WASHC2A: variants seen among roughly 807,000 people sequenced by gnomAD.
WASHC2A encodes the protein WASH complex subunit 2A.
WASHC2A carries 82 observed loss-of-function variants against 140.3 expected under a neutral mutation model. That is an observed-to-expected ratio of 0.58 (90% CI 0.49 to 0.70). The LOEUF (loss-of-function observed/expected upper bound fraction) is 0.70, where lower values mean the gene tolerates loss of function less well. Among genes scored for constraint, WASHC2A ranks in the 30% least tolerant of loss-of-function variants. The pLI is 0.00. For synonymous variants in WASHC2A, 340 were observed against 560.8 expected (o/e 0.61, Z 5.56); for missense variants, 985 against 1,521.8 (o/e 0.65, Z 5.87).
chr10:50,099,162 T>C (rs1554885650), intron 16 of WASHC2A, among the ~76,000 whole-genome samples: 1 of 152,222 alleles, frequency 6.6e-6, no homozygotes, highest in African/African-American at 2.4e-5. Context: ...GGCATTCTTC[T>C]GAATGAAGTT....
chr10:50,115,395 G>A (rs1411370506), intron 21 of WASHC2A, among the ~76,000 whole-genome samples: 5 of 82,606 alleles, frequency 6.1e-5, no homozygotes, highest in East Asian at 5.7e-4. Flanking sequence ...CTGAGAATGC[G>A]TCCCAGAGTG....
Position 50,093,341 on chromosome 10 carries a change from C to A in WASHC2A, c.1077C>A (p.Gly359=), listed in dbSNP as rs1840117075. 7 of 1,481,876 alleles carry A rather than the reference C, an allele frequency of 4.7e-6. No individual in the cohort carries two copies. In the South Asian group the frequency reaches 8.0e-5, roughly 17 times the overall value. 91.8% of individuals were successfully genotyped at this position (1,481,876 alleles called of 1,614,324 possible). A position where few individuals can be genotyped will look rare whatever the true frequency, so the allele number is the denominator to read the frequency against. ...TCTCGCCATTTGGCTCTGGAGGTGG[C>A]CTGTTCAGTGGGGGCAAGGGGCTCT... The part of the protein sequence containing the change: ...EDFSPFGSGG[G]LFSGGKGLFD... Residue 359 remains glycine, a synonymous_variant, in exon 12 of 31, where the codon GGC becomes GGA. Coordinates refer to ENST00000282633, the MANE Select transcript of WASHC2A (RefSeq NM_001005751.3).
chr10:50,072,702 A>G (rs1489095896), intron 3 of WASHC2A, among the ~76,000 whole-genome samples: 2 of 151,836 alleles, frequency 1.3e-5, no homozygotes, highest in Non-Finnish European at 2.9e-5. Context: ...GTTAGCCAGG[A>G]TGGTCTCGAT....
intron 8 of WASHC2A, among the ~76,000 whole-genome samples, chr10:50,090,130 A>C (rs1463371422): frequency 2.0e-5 from 3 of 151,922 alleles, no homozygotes; most frequent in Non-Finnish European, 4.4e-5. Flanking sequence ...TAAATAAATA[A>C]AAATATTTCT....
intron 18 of WASHC2A, among the ~76,000 whole-genome samples, chr10:50,104,990 T>C (rs1421152925): frequency 1.7e-4 from 25 of 151,470 alleles, no homozygotes; most frequent in African/African-American, 5.8e-4. Context: ...TTTCAAATTG[T>C]TGCAAATGTC....
In WASHC2A at chr10:50,125,263, A is replaced by G. The variant is rs1394815638; in HGVS notation, c.2607+22A>G. 1.4e-5 allele frequency: 22 copies of G among 1,605,518 alleles called. No homozygotes were observed. The South Asian group carries it at 1.7e-4, about 12-fold the overall frequency. On this transcript the variant is annotated intron_variant, in intron 24 of 30. Coordinates refer to ENST00000282633, the MANE Select transcript of WASHC2A (RefSeq NM_001005751.3). ...CAAGGTCAGTTCCAAATGGTTCCCC[A>G]CAGTATGACTTGTTATTGTATTGGG...
intron 7 of WASHC2A, among the ~76,000 whole-genome samples, chr10:50,087,039 G>A (rs1376170369): frequency 6.9e-6 from 1 of 145,316 alleles, no homozygotes; most frequent in African/African-American, 2.5e-5. Context: ...AGGCATTTAA[G>A]TGAACCACAA....
intron 3 of WASHC2A, among the ~76,000 whole-genome samples, chr10:50,072,238 C>G (rs1172323156): frequency 4.0e-5 from 6 of 149,832 alleles, no homozygotes; most frequent in Non-Finnish European, 8.9e-5. Flanking sequence ...GCGCGAGCCA[C>G]TGCGCTCGGC....
At chr10:50,100,247 C>T (rs1840982107) in intron 17 of WASHC2A, among the ~76,000 whole-genome samples, 183 bp downstream of exon 17, 1 of 152,000 alleles carries the variant, frequency 6.6e-6, no homozygotes, top group Admixed American at 6.6e-5. Context: ...CTTTGGTAGG[C>T]CAAGGCAGGC....
chr10:50,124,890 T>G (rs1160072170), intron 23 of WASHC2A, among the ~76,000 whole-genome samples: 1 of 150,692 alleles, frequency 6.6e-6, no homozygotes, highest in Non-Finnish European at 1.5e-5. Context: ...ATGTAAACTT[T>G]GTATTTATAA....
Position 50,133,349 on chromosome 10 carries a change from A to G in WASHC2A, c.*404A>G, listed in dbSNP as rs1844145680. On this transcript the variant is annotated 3_prime_UTR_variant, in exon 31 of 31. Coordinates refer to ENST00000282633, the MANE Select transcript of WASHC2A (RefSeq NM_001005751.3). The stretch of plus-strand genomic sequence containing the variant: ...TAGGGCCTGGGCAGGGGAAAGAGAA[A>G]GAAGGTGAGAGATTATACTTCATGA... The G allele has an allele frequency of 6.2e-6, 3 of 487,274 alleles. No homozygotes were observed. The highest frequency in any genetic ancestry group is 1.3e-5 in the Non-Finnish European group (3 of 239,702). 30.2% of individuals were successfully genotyped at this position (487,274 alleles called of 1,614,324 possible).
chr10:50,109,128 C>G (rs1206668902), intron 19 of WASHC2A, among the ~76,000 whole-genome samples: 6 of 152,020 alleles, frequency 3.9e-5, no homozygotes, highest in Non-Finnish European at 7.3e-5. Flanking sequence ...AAAATAGGCG[C>G]GGGGCCTGAA....
intron 5 of WASHC2A, among the ~76,000 whole-genome samples, chr10:50,083,703 C>A (rs1479530527): frequency 8.8e-6 from 1 of 113,894 alleles, no homozygotes; most frequent in Non-Finnish European, 1.8e-5. Flanking sequence ...ATGACAGTTA[C>A]CCGCCACCAT....
intron 16 of WASHC2A, among the ~76,000 whole-genome samples, chr10:50,098,662 G>T (rs1336327605): frequency 8.8e-6 from 1 of 113,258 alleles, no homozygotes; most frequent in African/African-American, 3.4e-5. Context: ...TTTGGACAGT[G>T]TGTCTGCATT....
rs1589128535 is a variant in WASHC2A at position 50,067,981 on chromosome 10, G to C, written c.-25G>C. The C allele has an allele frequency of 3.1e-6, 5 of 1,603,006 alleles. No individual in the cohort carries two copies. Among genetic ancestry groups the C allele is most frequent in the East Asian group, 2.2e-5 (1 of 44,548 alleles). On this transcript the variant is annotated 5_prime_UTR_variant, in exon 1 of 31. Coordinates refer to ENST00000282633, the MANE Select transcript of WASHC2A (RefSeq NM_001005751.3). The stretch of plus-strand genomic sequence containing the variant: ...TCCTCGGCGTGTGCTGGCAGCTTCG[G>C]AGCCCACCGAGCCGGGCGGCTAGGA...
intron 17 of WASHC2A, among the ~76,000 whole-genome samples, chr10:50,102,742 A>C (rs1465926934): frequency 2.3e-4 from 35 of 149,586 alleles, no homozygotes; most frequent in Admixed American, 2.0e-3. Flanking sequence ...TGTGTATTGA[A>C]GTTTATCTTC....
intron 25 of WASHC2A, 91 bp downstream of exon 25, chr10:50,125,540 A>G (rs1346095469): frequency 1.2e-6 from 2 of 1,610,330 alleles, no homozygotes; most frequent in African/African-American, 1.3e-5. Flanking sequence ...GGAAAATCCT[A>G]GGAGAGTCGT....
chr10:50,084,640 A>G (rs1303428775), intron 6 of WASHC2A, among the ~76,000 whole-genome samples: 77 of 151,594 alleles, frequency 5.1e-4, no homozygotes, highest in African/African-American at 1.7e-3. Context: ...CATATTGTCC[A>G]GGCTGGTCTC....
chr10:50,072,576 TC>T (rs2132330808), intron 3 of WASHC2A, among the ~76,000 whole-genome samples: 1 of 129,734 alleles, frequency 7.7e-6, no homozygotes, highest in African/African-American at 2.8e-5. Context: ...AAGCTCTACC[TC>T]CCGGGTTCAC....
Sources: gnomAD v4.1 joint callset for allele counts (sites outside exome capture counted in the v4.1 genomes callset) on GRCh38, gnomAD v4.1.1 for gene constraint, MANE v1.5 for transcripts, NCBI Gene and HGNC (gene_info 2026-07-23, HGNC 2026-07-21) for gene names.